NCALD: variants seen among roughly 807,000 people sequenced by gnomAD.
NCALD encodes neurocalcin delta.
Under a neutral mutation model 18.6 loss-of-function variants are expected in NCALD, and 10 were observed. The observed-to-expected ratio is 0.54, with a 90% CI of 0.33 to 0.91. The LOEUF is 0.91. Ranked by LOEUF, NCALD falls within the 40% of genes least tolerant of loss-of-function variation. The pLI, the probability that NCALD is intolerant of heterozygous loss-of-function variation, is 0.03. For synonymous variants in NCALD, 88 were observed against 87.4 expected, an observed-to-expected ratio of 1.01 and a Z score of -0.04; for missense variants, 184 against 247.6, an observed-to-expected ratio of 0.74 and a Z score of 1.72.
chr8:101,746,198 TA>T (rs1390675852), intron 1 of NCALD, among the ~76,000 whole-genome samples: 1 of 152,198 alleles, frequency 6.6e-6, no homozygotes, highest in Admixed American at 6.5e-5. Context: ...TCGGAAATGC[TA>T]AAACATGCAA....
At chr8:101,831,925 T>A (rs767125825) in intron 4 of NCALD, among the ~76,000 whole-genome samples, 1 of 152,346 alleles carries the variant, frequency 6.6e-6, no homozygotes, top group Non-Finnish European at 1.5e-5. Flanking sequence ...GAAGCAGCCA[T>A]GATTCACAGA....
At chr8:101,698,925 G>A (rs1329002948) in intron 2 of NCALD, among the ~76,000 whole-genome samples, 2 of 152,016 alleles carry the variant, frequency 1.3e-5, no homozygotes, top group Admixed American at 1.3e-4. Context: ...CTGACAAATG[G>A]GACCTAATTA....
chr8:102,004,267 C>T (rs921462340), intron 2 of NCALD, among the ~76,000 whole-genome samples: 1 of 152,210 alleles, frequency 6.6e-6, no homozygotes, highest in African/African-American at 2.4e-5. Context: ...CATGAGTGAA[C>T]TCCCATTCAC....
rs563022819 is a variant in NCALD, at chr8:101,692,772, T to C, written c.484+19A>G. 7.5e-6 allele frequency: 12 copies of C among 1,595,654 alleles called. No homozygotes were observed. The South Asian group carries it at 1.2e-4, about 16-fold the overall frequency. On this transcript the variant is annotated intron_variant, in intron 3 of 3. Transcript: ENST00000220931. The stretch of plus-strand genomic sequence containing the variant: ...AGCAGCCCCCATCTGAGCAAAGCAG[T>C]GTAGCCCCCGCCTCCTACCGTCTCT...
At chr8:101,909,734 C>A (rs1817725678) in intron 3 of NCALD, among the ~76,000 whole-genome samples, 1 of 152,076 alleles carries the variant, frequency 6.6e-6, no homozygotes, top group Non-Finnish European at 1.5e-5. Context: ...GAGGTGAGAA[C>A]CCAGGATTAT....
chr8:101,729,418 A>G (rs1481704084), intron 1 of NCALD, among the ~76,000 whole-genome samples: 1 of 152,186 alleles, frequency 6.6e-6, no homozygotes, highest in Non-Finnish European at 1.5e-5. Flanking sequence ...CCTATGCCCT[A>G]TTTGGATCAC....
chr8:101,807,127 G>A (rs1268851836), intron 4 of NCALD, among the ~76,000 whole-genome samples: 1 of 152,050 alleles, frequency 6.6e-6, no homozygotes, highest in Non-Finnish European at 1.5e-5. Flanking sequence ...CAAATACATT[G>A]ATAGTAGATC....
At chr8:101,991,395 T>A (rs1285764703) in intron 2 of NCALD, among the ~76,000 whole-genome samples, 2 of 152,204 alleles carry the variant, frequency 1.3e-5, no homozygotes, top group Non-Finnish European at 2.9e-5. Flanking sequence ...TTGATCTGTC[T>A]CTATTGTAAT....
intron 2 of NCALD, among the ~76,000 whole-genome samples, chr8:101,702,095 A>G (rs1421900861): frequency 1.3e-5 from 2 of 152,168 alleles, no homozygotes; most frequent in Non-Finnish European, 2.9e-5. Flanking sequence ...CGCCTTTTCA[A>G]CCGAGCAGTT....
intron 2 of NCALD, among the ~76,000 whole-genome samples, chr8:101,985,943 A>G (rs1820791066): frequency 6.6e-6 from 1 of 152,308 alleles, no homozygotes; most frequent in South Asian, 2.1e-4. Flanking sequence ...TCAAATTGCC[A>G]TTGGTATATC....
At position 102,008,417 on chromosome 8, in the gene NCALD, T is replaced by G. The variant is rs142461633; in HGVS notation, c.-157+11820A>C. Among the ~76,000 whole-genome samples the G allele has an allele frequency of 4.1e-3, 613 of 149,668 alleles. 3 individuals are homozygous for G. Among genetic ancestry groups the G allele is most frequent in the Non-Finnish European group, 6.4e-3 (434 of 67,708 alleles). On this transcript the variant is annotated intron_variant, in intron 2 of 6. Coordinates refer to the NCALD transcript ENST00000311028. ...GCACAAACTCTAAAATAATTAAGAA[T>G]GTGCCACTCCAAAATATGCTGTTCT...
At chr8:101,704,432 T>C (rs943549289) in intron 2 of NCALD, among the ~76,000 whole-genome samples, 7 of 152,068 alleles carry the variant, frequency 4.6e-5, no homozygotes, top group African/African-American at 1.7e-4. Context: ...GGTAAGAGTG[T>C]ACTCTAGGAT....
intron 2 of NCALD, among the ~76,000 whole-genome samples, chr8:101,956,207 T>A (rs1469295909): frequency 6.6e-6 from 1 of 152,206 alleles, no homozygotes; most frequent in East Asian, 1.9e-4. Flanking sequence ...AGACTTCATT[T>A]GGCCAGCACT....
At chr8:102,015,875 C>T (rs549924981) in intron 2 of NCALD, among the ~76,000 whole-genome samples, 1 of 152,276 alleles carries the variant, frequency 6.6e-6, no homozygotes, top group Admixed American at 6.5e-5. Context: ...GCCTCAGAAA[C>T]ATGAGATGAG....
At chr8:101,996,623 C>T (rs1326975858) in intron 2 of NCALD, among the ~76,000 whole-genome samples, 1 of 152,188 alleles carries the variant, frequency 6.6e-6, no homozygotes, top group Non-Finnish European at 1.5e-5. Flanking sequence ...AGGAGGCAGA[C>T]TTGTTGGAGG....
At chr8:101,910,749 A>T (rs1393658349) in intron 3 of NCALD, among the ~76,000 whole-genome samples, 2 of 152,208 alleles carry the variant, frequency 1.3e-5, no homozygotes, top group East Asian at 1.9e-4. Context: ...AGATTTCTAT[A>T]TTAAGGTACA....
rs1814557219 is a variant in NCALD at position 101,688,378 on chromosome 8, G to C, written c.*931C>G. ...TTTATGGAATATATAAAATATACTT[G>C]TCGATTGGTACATTTGTGCAAAGAC... On this transcript the variant is annotated 3_prime_UTR_variant, in exon 4 of 4. Transcript: ENST00000220931. 1 of 239,472 alleles carries C rather than the reference G, an allele frequency of 4.2e-6. No homozygotes were observed. Among genetic ancestry groups the C allele is most frequent in the Non-Finnish European group, 8.5e-6 (1 of 117,990 alleles). The allele number at this position is 239,472 out of a possible 1,614,324, so 14.8% of individuals were successfully genotyped here.
intron 2 of NCALD, chr8:101,693,136 C>G (rs1437768725): frequency 2.6e-6 from 1 of 389,956 alleles, no homozygotes; most frequent in African/African-American, 2.1e-5. Context: ...CCCAGTAGAC[C>G]CCTGTGTCTC....
chr8:101,985,918 G>A (rs538374724), intron 2 of NCALD, among the ~76,000 whole-genome samples: 1 of 152,210 alleles, frequency 6.6e-6, no homozygotes, highest in Admixed American at 6.5e-5. Context: ...GCACACTCCC[G>A]CCACACAAAA....
Sources: gnomAD v4.1 joint callset for allele counts (sites outside exome capture counted in the v4.1 genomes callset) on GRCh38, gnomAD v4.1.1 for gene constraint, MANE v1.5 for transcripts, NCBI Gene and HGNC (gene_info 2026-07-23, HGNC 2026-07-21) for gene names.